The following ADAMTS16 variants were observed in gnomAD, a reference collection of about 807,000 sequenced individuals.
ADAMTS16 encodes A disintegrin and metalloproteinase with thrombospondin motifs 16.
In ADAMTS16, 94 loss-of-function variants were observed where a neutral mutation model predicts 145.8. That is an observed-to-expected ratio of 0.64 (90% CI 0.55 to 0.77). ADAMTS16 has a LOEUF of 0.77. Ranked by LOEUF, ADAMTS16 falls within the 30% of genes least tolerant of loss-of-function variation. The probability of loss-of-function intolerance (pLI) is 0.00; values close to 1 mark genes in which losing one functional copy is unlikely to be tolerated. For synonymous variants in ADAMTS16, 659 were observed against 604.3 expected, an observed-to-expected ratio of 1.09 and a Z score of -1.33; for missense variants, 1,585 against 1,591.5, an observed-to-expected ratio of 1.00 and a Z score of 0.07.
In ADAMTS16 at chr5:5,220,620, G is replaced by T. The variant is rs1226077272; in HGVS notation, c.1606-2169G>T. Among the ~76,000 whole-genome samples the T allele has an allele frequency of 2.0e-5, 3 of 152,116 alleles. No homozygotes were observed. The East Asian group carries it at 5.8e-4, about 29-fold the overall frequency. On this transcript the variant is annotated intron_variant, in intron 10 of 22. Coordinates refer to ENST00000274181, the MANE Select transcript of ADAMTS16 (RefSeq NM_139056.4). The stretch of plus-strand genomic sequence containing the variant: ...TGCCATTGTCTCCTCAAGCCCTTAA[G>T]CGAGAAAGGAAAGGTGCAGTGCCCT...
chr5:5,319,329 A>G lies in ADAMTS16; in HGVS notation c.*191A>G, dbSNP rs560425339. ...AGCCTGGGTGCAGACCTGTGTCCCC[A>G]TGCACACAGTGTCTCCTGTCAGGCT... is the stretch of plus-strand genomic sequence containing the variant. On this transcript the variant is annotated 3_prime_UTR_variant, in exon 23 of 23. Transcript: ENST00000274181. The G allele has an allele frequency of 1.7e-3, 959 of 571,272 alleles. 18 individuals carry two copies. The South Asian group carries it at 0.019, about 11-fold the overall frequency. The allele number at this position is 571,272 out of a possible 1,614,324, so 35.4% of individuals were successfully genotyped here.
At chr5:5,234,397 C>T (rs1006141937) in intron 12 of ADAMTS16, among the ~76,000 whole-genome samples, 2 of 152,214 alleles carry the variant, frequency 1.3e-5, no homozygotes, top group Non-Finnish European at 2.9e-5. Flanking sequence ...CAATCAGCCC[C>T]TCCCTGTGCA....
At chr5:5,197,378 C>T (rs900826281) in intron 8 of ADAMTS16, among the ~76,000 whole-genome samples, 1 of 151,950 alleles carries the variant, frequency 6.6e-6, no homozygotes, top group Non-Finnish European at 1.5e-5. Flanking sequence ...ATTAGATTTC[C>T]GTCTGGGTAT....
intron 18 of ADAMTS16, among the ~76,000 whole-genome samples, chr5:5,270,421 G>C (rs910737637): frequency 6.6e-6 from 1 of 152,230 alleles, no homozygotes; most frequent in East Asian, 1.9e-4. Flanking sequence ...TCCCCACTTC[G>C]GGCATGATCC....
intron 21 of ADAMTS16, among the ~76,000 whole-genome samples, chr5:5,316,092 C>T (rs573742304): frequency 2.0e-5 from 3 of 152,182 alleles, no homozygotes; most frequent in Non-Finnish European, 2.9e-5. Context: ...TAAGTCACTT[C>T]GTAAAGCTCT....
chr5:5,224,900 T>C (rs1736715415), intron 11 of ADAMTS16, among the ~76,000 whole-genome samples: 1 of 152,172 alleles, frequency 6.6e-6, no homozygotes, highest in Non-Finnish European at 1.5e-5. Flanking sequence ...TTGTGATGCT[T>C]TTTCACAATA....
Position 5,196,201 on chromosome 5 carries a change from G to A in ADAMTS16, c.1314-3931G>A, listed in dbSNP as rs1420506221. On this transcript the variant is annotated intron_variant, in intron 8 of 22. Transcript: ENST00000274181. ...TGCAGTGAGCCGAGATCACGCCACC[G>A]CACTCCAGCCTGGGCAACAGAGAGA... 6.3e-5 allele frequency among the ~76,000 whole-genome samples: 8 copies of A among 126,186 alleles called. No homozygotes were observed. In the East Asian group the frequency reaches 9.3e-4, roughly 15 times the overall value. 82.8% of individuals were successfully genotyped at this position (126,186 alleles called of 152,430 possible).
intron 9 of ADAMTS16, among the ~76,000 whole-genome samples, chr5:5,201,505 G>A (rs912547629): frequency 8.6e-5 from 13 of 151,600 alleles, no homozygotes; most frequent in African/African-American, 2.7e-4. Flanking sequence ...TAAAAAGTAG[G>A]GCAAATACTA....
chr5:5,246,690 G>T (rs544065623), intron 17 of ADAMTS16, among the ~76,000 whole-genome samples: 1 of 152,268 alleles, frequency 6.6e-6, no homozygotes, highest in East Asian at 1.9e-4. Context: ...AAACTATTTA[G>T]TGCCTCTTTA....
chr5:5,285,931 C>T (rs1309312181), intron 18 of ADAMTS16, among the ~76,000 whole-genome samples: 3 of 152,182 alleles, frequency 2.0e-5, no homozygotes, highest in African/African-American at 7.2e-5. Context: ...CCAGTGCTTT[C>T]CTGAGTTTGT....
chr5:5,188,514 C>T (rs1425119106), intron 6 of ADAMTS16, among the ~76,000 whole-genome samples: 2 of 152,130 alleles, frequency 1.3e-5, no homozygotes, highest in Admixed American at 6.6e-5. Flanking sequence ...TTCTCATTTC[C>T]ATTTTTCCCC....
At chr5:5,181,998 C>G in intron 3 of ADAMTS16, 46 bp from the exon 4 acceptor site, 1 of 1,557,904 alleles carries the variant, frequency 6.4e-7, no homozygotes, top group Non-Finnish European at 8.7e-7. Flanking sequence ...TGGCTTCAAC[C>G]AGAAAGTCTA....
intron 17 of ADAMTS16, among the ~76,000 whole-genome samples, chr5:5,246,239 T>A (rs1402000947): frequency 6.6e-6 from 1 of 152,254 alleles, no homozygotes; most frequent in Non-Finnish European, 1.5e-5. Context: ...AAATTTGACC[T>A]GTGTCTTAAA....
rs1460289577 is a variant in ADAMTS16 at position 5,306,396 on chromosome 5, G to A, written c.3187-108G>A. On this transcript the variant is annotated intron_variant, in intron 20 of 22. Transcript: ENST00000274181. ...TAAGGTCCAATAATTTTCACTGAATGTTCACACTTATATAAATGTTCAAGC... is the reference window on the plus strand; with the variant it reads ...TAAGGTCCAATAATTTTCACTGAATATTCACACTTATATAAATGTTCAAGC... The A allele has an allele frequency of 1.1e-5, 10 of 947,862 alleles. No individual in the cohort carries two copies. In the East Asian group the frequency reaches 2.2e-4, roughly 21 times the overall value. The allele number at this position is 947,862 out of a possible 1,614,324, so 58.7% of individuals were successfully genotyped here.
chr5:5,280,131 T>TA (rs1314600373), intron 18 of ADAMTS16, among the ~76,000 whole-genome samples: 1 of 152,172 alleles, frequency 6.6e-6, no homozygotes, highest in Non-Finnish European at 1.5e-5. Context: ...CTTCCATAAA[T>TA]ATCTAATAAT....
At chr5:5,277,919 G>A (rs933381243) in intron 18 of ADAMTS16, among the ~76,000 whole-genome samples, 18 of 151,942 alleles carry the variant, frequency 1.2e-4, no homozygotes, top group Admixed American at 3.9e-4. Context: ...GAGGTCAAGG[G>A]TGCAGTGAGC....
rs202094891 is a variant in ADAMTS16, at chr5:5,262,797, C to T, written c.2789+14C>T. 16 of 1,611,976 alleles carry T rather than the reference C, an allele frequency of 9.9e-6. No individual in the cohort carries two copies. Among genetic ancestry groups the T allele is most frequent in the African/African-American group, 4.0e-5 (3 of 74,802 alleles). On this transcript the variant is annotated intron_variant, in intron 18 of 22. Coordinates refer to ENST00000274181, the MANE Select transcript of ADAMTS16 (RefSeq NM_139056.4). ...CTGTCCTCCCAGGTAAGAAGCATCG[C>T]GTTCATCAAAGCAGGTTTCCCAGTT...
intron 11 of ADAMTS16, among the ~76,000 whole-genome samples, chr5:5,225,829 G>A (rs1331865863): frequency 1.4e-5 from 2 of 139,662 alleles, no homozygotes; most frequent in Admixed American, 7.4e-5. Flanking sequence ...ATGAATTTTA[G>A]TCTTGTCTTT....
chr5:5,146,087 A>T (rs1863969), intron 2 of ADAMTS16, 43 bp from the exon 3 acceptor site: 1,145,930 of 1,522,612 alleles, frequency 0.75, 436,376 homozygotes, highest in South Asian at 0.85. Context: ...TTCTTCTCGG[A>T]ATTCCGAAAT....
Sources: gnomAD v4.1 joint callset for allele counts (sites outside exome capture counted in the v4.1 genomes callset) on GRCh38, gnomAD v4.1.1 for gene constraint, MANE v1.5 for transcripts, NCBI Gene and HGNC (gene_info 2026-07-23, HGNC 2026-07-21) for gene names.